The following PARP12 variants were observed in gnomAD, a reference collection of about 807,000 sequenced individuals.
PARP12 encodes protein mono-ADP-ribosyltransferase PARP12.
A neutral mutation model predicts 72.4 loss-of-function variants in PARP12; 59 were observed. The observed-to-expected ratio is 0.81, with a 90% CI of 0.66 to 1.01. The LOEUF is 1.01. Ranked by LOEUF, PARP12 falls within the 50% of genes least tolerant of loss-of-function variation. PARP12 has a pLI of 0.00. For synonymous variants in PARP12, 403 were observed against 371.4 expected (o/e 1.09, Z -0.98); for missense variants, 851 against 914.0 (o/e 0.93, Z 0.89).
chr7:140,051,509 T>C (rs1475948058), intron 4 of PARP12, among the ~76,000 whole-genome samples: 1 of 151,840 alleles, frequency 6.6e-6, no homozygotes, highest in Non-Finnish European at 1.5e-5. Context: ...TCCTGCCTCA[T>C]CCTCCCAAGT....
intron 6 of PARP12, among the ~76,000 whole-genome samples, chr7:140,039,240 G>A (rs1816354682): frequency 1.3e-5 from 2 of 152,176 alleles, no homozygotes; most frequent in Admixed American, 6.5e-5. Context: ...GACAACAAGA[G>A]GAAAGGAAAA....
rs375280884 is a variant in PARP12, at chr7:140,036,159, C to T, written c.1324+1556G>A. Among the ~76,000 whole-genome samples the T allele has an allele frequency of 7.5e-4, 114 of 152,296 alleles. 1 individual carries two copies. Among genetic ancestry groups the T allele is most frequent in the African/African-American group, 2.7e-3 (112 of 41,570 alleles). On this transcript the variant is annotated intron_variant, in intron 7 of 11. Transcript: ENST00000263549. ...CATAAACTGCACGTGTGTGCTCTTC[C>T]CCATCCCTATTATGAGGTTCTGTTA...
At position 140,027,394 on chromosome 7, in the gene PARP12, T is replaced by A; in HGVS notation, c.1510A>T (p.Ser504Cys). 2.5e-6 allele frequency: 4 copies of A among 1,613,976 alleles called. No homozygotes were observed. The highest frequency in any genetic ancestry group is 3.4e-6 in the Non-Finnish European group (4 of 1,179,872). ...TTCTGATACTCTTCCGAGGAAGAACTAAGGGTGATCTTCTGCAAGGGGCAA... is the reference window on the plus strand; with the variant it reads ...TTCTGATACTCTTCCGAGGAAGAACAAAGGGTGATCTTCTGCAAGGGGCAA... ...PDPGFQKITL[S>C]SSSEEYQKVW... is the part of the protein sequence containing the mutation. The change falls in exon 10 of 12, where the codon AGT (serine) becomes TGT (cysteine). Residue 504 changes from serine (S) to cysteine (C), a missense_variant. Coordinates refer to ENST00000263549, the MANE Select transcript of PARP12 (RefSeq NM_022750.4).
In PARP12 at chr7:140,026,086, T is replaced by A; in HGVS notation, c.1780+111A>T. The stretch of plus-strand genomic sequence containing the variant: ...TGCCCAGGTACCACCACACATGGAG[T>A]CTGAACCTGCTCATCAGCTCAGGCT... On this transcript the variant is annotated intron_variant, in intron 11 of 11. Transcript: ENST00000263549. The A allele has an allele frequency of 3.3e-6, 5 of 1,495,798 alleles. No homozygotes were observed. In the South Asian group the frequency reaches 4.6e-5, roughly 14 times the overall value. The allele number at this position is 1,495,798 out of a possible 1,614,324, so 92.7% of individuals were successfully genotyped here. A position where few individuals can be genotyped will look rare whatever the true frequency, so the allele number is the denominator to read the frequency against.
chr7:140,045,226 T>C (rs1442322967), intron 5 of PARP12, among the ~76,000 whole-genome samples: 1 of 151,958 alleles, frequency 6.6e-6, no homozygotes. Flanking sequence ...AGAGACAAGG[T>C]CTCTTTATGT....
chr7:140,043,731 C>A (rs1056578862), intron 5 of PARP12, among the ~76,000 whole-genome samples: 9 of 152,122 alleles, frequency 5.9e-5, no homozygotes, highest in Admixed American at 5.9e-4. Flanking sequence ...AGAGTTTCAC[C>A]ATGTTGGCCA....
rs1055906999 is a variant in PARP12 at position 140,033,293 on chromosome 7, C to T, written c.1421+942G>A. On this transcript the variant is annotated intron_variant, in intron 8 of 11. Coordinates refer to ENST00000263549, the MANE Select transcript of PARP12 (RefSeq NM_022750.4). ...AAGGCAGTTTCGTGGACTGATAATA[C>T]CTTTCTCCTCTATCTTGTACCAAAC... The T allele has an allele frequency of 5.1e-6, 5 of 985,264 alleles. No individual in the cohort carries two copies. The African/African-American group carries it at 8.7e-5, about 17-fold the overall frequency. 61.0% of individuals were successfully genotyped at this position (985,264 alleles called of 1,614,324 possible). A position where few individuals can be genotyped will look rare whatever the true frequency, so the allele number is the denominator to read the frequency against.
At chr7:140,043,786 C>G (rs903914726) in intron 5 of PARP12, among the ~76,000 whole-genome samples, 1 of 152,204 alleles carries the variant, frequency 6.6e-6, no homozygotes, top group African/African-American at 2.4e-5. Flanking sequence ...CCCTCCTCAG[C>G]CTCCCAAAGT....
intron 4 of PARP12, among the ~76,000 whole-genome samples, chr7:140,052,438 T>C (rs1817003038): frequency 6.6e-6 from 1 of 152,212 alleles, no homozygotes; most frequent in African/African-American, 2.4e-5. Context: ...CTGATTTCTT[T>C]GGGACATTGT....
In PARP12 at chr7:140,057,205, C is replaced by A. The variant is rs780305182; in HGVS notation, c.463-52G>T. On this transcript the variant is annotated intron_variant, in intron 2 of 11. Coordinates refer to ENST00000263549, the MANE Select transcript of PARP12 (RefSeq NM_022750.4). ...CAGTTCAGGAAGGTCTCACACGACA[C>A]CACCTCCCCAGTGGCCAGTCCACTG... The A allele has an allele frequency of 9.8e-6, 15 of 1,538,072 alleles. No homozygotes were observed. The South Asian group carries it at 1.7e-4, about 18-fold the overall frequency.
chr7:140,025,617 A>G, intron 11 of PARP12: 1 of 451,162 alleles, frequency 2.2e-6, no homozygotes, highest in South Asian at 1.6e-5. Context: ...GGGAGAGAGA[A>G]AGAGAGAAGT....
chr7:140,030,729 G>A lies in PARP12; in HGVS notation c.1422-2041C>T, dbSNP rs537690424. On this transcript the variant is annotated intron_variant, in intron 8 of 11. Transcript: ENST00000263549. Reference sequence around the variant, plus strand: ...CAGCCCGCAGGCTGCATGTAACCCAGGACAGCTTTGAATGTGACCCAACAC... The same window carrying A: ...CAGCCCGCAGGCTGCATGTAACCCAAGACAGCTTTGAATGTGACCCAACAC... Among the ~76,000 whole-genome samples the A allele has an allele frequency of 8.5e-5, 13 of 152,360 alleles. No homozygotes were observed. The South Asian group carries it at 2.7e-3, about 32-fold the overall frequency.
chr7:140,034,549 GATTAGTAATTGACATATCAATTAC>G (rs1296087048), intron 7 of PARP12: 4 of 361,594 alleles, frequency 1.1e-5, no homozygotes, highest in Non-Finnish European at 1.6e-5. Context: ...ATAGAGGAAT[GATTAGTAATTGACATATCAATTAC>G]ACATGAGTGC....
intron 5 of PARP12, among the ~76,000 whole-genome samples, chr7:140,042,825 G>T (rs1173471520): frequency 6.6e-6 from 1 of 152,182 alleles, no homozygotes; most frequent in Non-Finnish European, 1.5e-5. Flanking sequence ...TAGCTGCAAA[G>T]ACCACCCAGG....
At chr7:140,047,148 G>C in intron 4 of PARP12, 141 bp from the exon 5 acceptor site, 1 of 861,314 alleles carries the variant, frequency 1.2e-6, no homozygotes, top group Non-Finnish European at 1.7e-6. Flanking sequence ...TTCAGTGCCG[G>C]CATGCCTGAG....
chr7:140,043,848 TAATTA>T (rs1470935899), intron 5 of PARP12, among the ~76,000 whole-genome samples: 2 of 152,168 alleles, frequency 1.3e-5, no homozygotes, highest in Admixed American at 6.5e-5. Flanking sequence ...CTTTTAAACA[TAATTA>T]AATTAACTGA....
In PARP12 at chr7:140,024,602, G is replaced by A. The variant is rs1226453178; in HGVS notation, c.2064C>T (p.Ser688=). ...ACAGGGAGCCCAAGGCCAGCAGGAT[G>A]GAGGGTGTGACCGAGGGCTTGGAGG... ...TTSSKPSVTP[S]ILLALGSLFS... Residue 688 remains serine (S), a synonymous_variant, in exon 12 of 12, where the codon TCC becomes TCT. Coordinates refer to ENST00000263549, the MANE Select transcript of PARP12 (RefSeq NM_022750.4). The A allele has an allele frequency of 6.2e-7, 1 of 1,614,200 alleles. No homozygotes were observed. The highest frequency in any genetic ancestry group is 8.5e-7 in the Non-Finnish European group (1 of 1,180,028).
intron 5 of PARP12, 82 bp downstream of exon 5, chr7:140,046,798 CAGTG>C: frequency 2.6e-6 from 2 of 778,040 alleles, no homozygotes; most frequent in South Asian, 2.7e-5. Context: ...AGGCTGCTCA[CAGTG>C]TGTGTGTGTG....
intron 4 of PARP12, 42 bp downstream of exon 4, chr7:140,054,620 A>G (rs754689623): frequency 7.6e-6 from 11 of 1,455,808 alleles, no homozygotes; most frequent in Non-Finnish European, 1.1e-5. Context: ...ACAAGCAGTT[A>G]CCCCTCCCAC....
Sources: allele counts gnomAD v4.1 joint callset (sites outside exome capture counted in the v4.1 genomes callset), GRCh38; gene constraint gnomAD v4.1.1; transcripts MANE v1.5; gene names NCBI Gene and HGNC (gene_info 2026-07-23, HGNC 2026-07-21).